Variants in KLHL7 observed in about 807,000 individuals in gnomAD.
KLHL7 encodes kelch-like protein 7.
A neutral mutation model predicts 67.4 loss-of-function variants in KLHL7; 44 were observed. That is an observed-to-expected ratio of 0.65 (90% CI 0.51 to 0.84). The LOEUF is 0.84. KLHL7 is among the 40% of genes least tolerant of loss of function. KLHL7 has a pLI of 0.00. For missense variants in KLHL7, 362 were observed against 718.1 expected, an observed-to-expected ratio of 0.50 and a Z score of 5.67; for synonymous variants, 252 against 243.3, an observed-to-expected ratio of 1.04 and a Z score of -0.33.
chr7:23,130,919 A>C (rs1206629280), intron 4 of KLHL7, among the ~76,000 whole-genome samples: 1 of 152,252 alleles, frequency 6.6e-6, no homozygotes, highest in African/African-American at 2.4e-5. Flanking sequence ...AAACACAATT[A>C]GTAAACAGGT....
intron 4 of KLHL7, chr7:23,125,655 T>C: frequency 7.4e-7 from 1 of 1,343,640 alleles, no homozygotes; most frequent in Non-Finnish European, 9.8e-7. Flanking sequence ...CAAAATGCTG[T>C]TTTATACTAG....
rs1349331563 is a variant in KLHL7, at chr7:23,177,044, C to G, written c.*2746C>G. The stretch of plus-strand genomic sequence containing the variant: ...CAGTATGACCTTATTTTAATTACAC[C>G]TGTAAAGACCCCATTTCCAAACGAG... On this transcript the variant is annotated 3_prime_UTR_variant, in exon 11 of 11. Coordinates refer to ENST00000339077, the MANE Select transcript of KLHL7 (RefSeq NM_001031710.3). 2 of 152,086 alleles carry G rather than the reference C, an allele frequency of 1.3e-5. No individual in the cohort carries two copies. The highest frequency in any genetic ancestry group is 4.8e-5 in the African/African-American group (2 of 41,398). 9.4% of individuals were successfully genotyped at this position (152,086 alleles called of 1,614,324 possible).
chr7:23,141,609 AATTC>A lies in KLHL7; in HGVS notation c.618+689_618+692del, dbSNP rs569612091. The stretch of plus-strand genomic sequence containing the variant: ...AGCTGGGTGGGAGAACACTTTATTT[AATTC>A]ATTCATTCATTCATTCATTCATTTA... On this transcript the variant is annotated intron_variant, in intron 5 of 10. Transcript: ENST00000339077. Among the ~76,000 whole-genome samples, 197 of 152,222 alleles carry A rather than the reference AATTC, an allele frequency of 1.3e-3. 6 individuals carry two copies. In the East Asian group the frequency reaches 0.025, roughly 19 times the overall value.
At chr7:23,116,625 A>C (rs1449184681) in intron 1 of KLHL7, among the ~76,000 whole-genome samples, 7 of 152,266 alleles carry the variant, frequency 4.6e-5, no homozygotes, top group Non-Finnish European at 1.0e-4. Flanking sequence ...TATTCCTCTA[A>C]TGCCTTTCCT....
intron 6 of KLHL7, among the ~76,000 whole-genome samples, chr7:23,151,371 T>C (rs1317296461): frequency 6.6e-6 from 1 of 152,182 alleles, no homozygotes; most frequent in Admixed American, 6.5e-5. Flanking sequence ...ACTGACAAAA[T>C]TAAGGAATTG....
At chr7:23,149,340 C>T (rs1784459819) in intron 6 of KLHL7, among the ~76,000 whole-genome samples, 1 of 152,214 alleles carries the variant, frequency 6.6e-6, no homozygotes. Context: ...AAAGGCATGC[C>T]TCCTCCAGTG....
intron 7 of KLHL7, among the ~76,000 whole-genome samples, chr7:23,163,317 C>T (rs1784905987): frequency 6.6e-6 from 1 of 152,016 alleles, no homozygotes; most frequent in Non-Finnish European, 1.5e-5. Context: ...ATTACACGTG[C>T]CTGCCACCAT....
chr7:23,128,874 A>G lies in KLHL7; in HGVS notation c.442+3702A>G, dbSNP rs1038365460. Among the ~76,000 whole-genome samples the G allele has an allele frequency of 2.6e-5, 4 of 152,304 alleles. No homozygotes were observed. The East Asian group carries it at 5.8e-4, about 22-fold the overall frequency. On this transcript the variant is annotated intron_variant, in intron 4 of 10. Transcript: ENST00000339077. Reference sequence around the variant, plus strand: ...CCCTTTGTGTCTGGCCTCTTTGAGCACAGTGTTTTTAGGGTTCATCCATAT... The same window carrying G: ...CCCTTTGTGTCTGGCCTCTTTGAGCGCAGTGTTTTTAGGGTTCATCCATAT...
At chr7:23,165,061 G>A (rs992243009) in intron 7 of KLHL7, among the ~76,000 whole-genome samples, 1 of 152,232 alleles carries the variant, frequency 6.6e-6, no homozygotes, top group African/African-American at 2.4e-5. Flanking sequence ...TTACTGTCAA[G>A]TACTGATAGG....
intron 1 of KLHL7, among the ~76,000 whole-genome samples, chr7:23,120,096 T>G (rs1487842918): frequency 3.3e-5 from 5 of 152,046 alleles, no homozygotes; most frequent in Non-Finnish European, 5.9e-5. Flanking sequence ...TGCAACCTTT[T>G]GCCCCCGGGC....
At chr7:23,112,213 G>A (rs1033155571) in intron 1 of KLHL7, among the ~76,000 whole-genome samples, 1 of 152,158 alleles carries the variant, frequency 6.6e-6, no homozygotes, top group Non-Finnish European at 1.5e-5. Flanking sequence ...ATGATCTCTA[G>A]GGTTCTGGAA....
rs767834555 is a variant in KLHL7, at chr7:23,175,230, T to C, written c.*932T>C. The C allele has an allele frequency of 2.2e-6, 1 of 453,972 alleles. No homozygotes were observed. The highest frequency in any genetic ancestry group is 4.4e-6 in the Non-Finnish European group (1 of 226,790). 28.1% of individuals were successfully genotyped at this position (453,972 alleles called of 1,614,324 possible). A position where few individuals can be genotyped will look rare whatever the true frequency, so the allele number is the denominator to read the frequency against. ...TTAACCTAGTTGTCTCTAAAAGTTT[T>C]GTAATCATGAGTTAGATATATGTCA... On this transcript the variant is annotated 3_prime_UTR_variant, in exon 11 of 11. Coordinates refer to ENST00000339077, the MANE Select transcript of KLHL7 (RefSeq NM_001031710.3).
At chr7:23,117,994 A>G in intron 1 of KLHL7, 1 of 1,613,360 alleles carries the variant, frequency 6.2e-7, no homozygotes, top group East Asian at 2.2e-5. Flanking sequence ...TCTCTTTGGG[A>G]TATAACAAAG....
intron 9 of KLHL7, 22 bp from the exon 10 acceptor site, chr7:23,172,926 C>T (rs1285616022): frequency 6.3e-7 from 1 of 1,581,548 alleles, no homozygotes. Flanking sequence ...AACAAGCACA[C>T]TAAAAACTTT....
At chr7:23,160,423 G>A (rs1369145212) in intron 7 of KLHL7, among the ~76,000 whole-genome samples, 2 of 152,212 alleles carry the variant, frequency 1.3e-5, no homozygotes, top group African/African-American at 4.8e-5. Flanking sequence ...TTTTGGTGGT[G>A]TGGTTTTAAT....
chr7:23,118,285 C>A (rs1010610328), intron 1 of KLHL7, among the ~76,000 whole-genome samples: 5 of 152,190 alleles, frequency 3.3e-5, no homozygotes, highest in Non-Finnish European at 5.9e-5. Flanking sequence ...TTCTTTATGA[C>A]GCGTTGAGTA....
In KLHL7 at chr7:23,124,746, T is replaced by C. The variant is rs751674366; in HGVS notation, c.282T>C (p.Ile94=). 6.2e-7 allele frequency: 1 copy of C among 1,611,680 alleles called. No individual in the cohort carries two copies. Among genetic ancestry groups the C allele is most frequent in the South Asian group, 1.1e-5 (1 of 91,044 alleles). ...AACTCAAAGATGCTGAACCTGATAT[T>C]ATTGAACAACTGGTGGAATTTGCTT... ...EVELKDAEPD[I]IEQLVEFAYT... The change falls in exon 3 of 11, where the codon ATT becomes ATC. Residue 94 remains isoleucine, a synonymous_variant. Transcript: ENST00000339077.
At chr7:23,119,136 T>C (rs1783222618) in intron 1 of KLHL7, among the ~76,000 whole-genome samples, 1 of 152,224 alleles carries the variant, frequency 6.6e-6, no homozygotes, top group East Asian at 1.9e-4. Context: ...CCTCCTTCTC[T>C]ACACACAGTT....
At position 23,125,057 on chromosome 7, in the gene KLHL7, G is replaced by A. The variant is rs953048379; in HGVS notation, c.327G>A (p.Val109=). 1.2e-6 allele frequency: 2 copies of A among 1,612,396 alleles called. No homozygotes were observed. The highest frequency in any genetic ancestry group is 1.7e-6 in the Non-Finnish European group (2 of 1,178,594). ...VEFAYTARIS[V]NSNNVQSLLD... is the part of the protein sequence containing the mutation. ...TCTAACTTATTTGCAGAATTTCCGT[G>A]AATAGCAACAATGTTCAGTCTTTGC... The change falls in exon 4 of 11, where the codon GTG becomes GTA. Residue 109 remains valine, a synonymous_variant. Coordinates refer to ENST00000339077, the MANE Select transcript of KLHL7 (RefSeq NM_001031710.3).
Sources: allele counts gnomAD v4.1 joint callset (sites outside exome capture counted in the v4.1 genomes callset), GRCh38; gene constraint gnomAD v4.1.1; transcripts MANE v1.5; gene names NCBI Gene and HGNC (gene_info 2026-07-23, HGNC 2026-07-21).